The following TMEM50B variants were observed in gnomAD, a reference collection of about 807,000 sequenced individuals.
The protein encoded by TMEM50B is HCV p7-trans-regulated protein 3.
Under a neutral mutation model 23.4 loss-of-function variants are expected in TMEM50B, and 14 were observed. The observed-to-expected ratio is 0.60, with a 90% CI of 0.39 to 0.93. TMEM50B has a LOEUF of 0.93. Among genes scored for constraint, TMEM50B ranks in the 40% least tolerant of loss-of-function variants. The pLI, the probability that TMEM50B is intolerant of heterozygous loss-of-function variation, is 0.00. For missense variants in TMEM50B, 159 were observed against 193.0 expected (o/e 0.82, Z 1.04); for synonymous variants, 64 against 62.3 (o/e 1.03, Z -0.13).
chr21:33,465,377 C>A lies in TMEM50B; in HGVS notation c.245G>T (p.Gly82Val). 11 of 1,613,212 alleles carry A rather than the reference C, an allele frequency of 6.8e-6. No individual in the cohort carries two copies. Among genetic ancestry groups the A allele is most frequent in the East Asian group, 2.2e-5 (1 of 44,820 alleles). The change falls in exon 4 of 7, where the codon GGT becomes GTT. Residue 82 changes from glycine to valine, a missense_variant. By Grantham distance (109) the Gly-to-Val change is moderately radical (BLOSUM62 -3). Transcript: ENST00000542230. ...INAVSNAQVR[G>V]DSYESGCLGR... ...TAAACAGCCGCTTTCATAGCTATCA[C>A]CTCTCACCTGAGCATTGGATACAGC...
chr21:33,478,693 A>T lies in TMEM50B; in HGVS notation c.-42+1145T>A, dbSNP rs760712889. On this transcript the variant is annotated intron_variant, in intron 1 of 6. Transcript: ENST00000542230. ...AACCTGCTTTTCCAGCGCGATAAAT[A>T]TTCAAGATAACTTTTGGTTTGCATT... 2.8e-5 allele frequency: 13 copies of T among 456,470 alleles called. No homozygotes were observed. In the Admixed American group the frequency reaches 3.3e-4, roughly 11 times the overall value. 28.3% of individuals were successfully genotyped at this position (456,470 alleles called of 1,614,324 possible). A position where few individuals can be genotyped will look rare whatever the true frequency, so the allele number is the denominator to read the frequency against.
downstream of TMEM50B, among the ~76,000 whole-genome samples, chr21:33,444,327 C>T (rs767716033): frequency 1.3e-5 from 2 of 152,164 alleles, no homozygotes; most frequent in East Asian, 1.9e-4. Context: ...GTGAGCAGAC[C>T]GCTTGAGCTC....
intron 6 of TMEM50B, among the ~76,000 whole-genome samples, chr21:33,454,527 C>T (rs1055625136): frequency 6.6e-6 from 1 of 152,140 alleles, no homozygotes; most frequent in Non-Finnish European, 1.5e-5. Context: ...TCTCGAACCC[C>T]TGACCTCAGA....
At chr21:33,467,804 G>T (rs2084277814) in intron 2 of TMEM50B, among the ~76,000 whole-genome samples, 1 of 151,970 alleles carries the variant, frequency 6.6e-6, no homozygotes, top group South Asian at 2.1e-4. Flanking sequence ...ATTTCATTTT[G>T]TTTTTCTATT....
intron 7 of TMEM50B, among the ~76,000 whole-genome samples, chr21:33,443,797 A>C (rs1005011303): frequency 1.3e-5 from 2 of 152,258 alleles, no homozygotes; most frequent in Non-Finnish European, 2.9e-5. Context: ...TCACATCTGC[A>C]GCATGCTGCC....
At chr21:33,477,354 T>C (rs2084383105) in intron 1 of TMEM50B, among the ~76,000 whole-genome samples, 2 of 152,110 alleles carry the variant, frequency 1.3e-5, no homozygotes, top group African/African-American at 4.8e-5. Flanking sequence ...AAATGTGTCC[T>C]TATATTATCA....
At chr21:33,456,226 T>C (rs1292362312) in intron 5 of TMEM50B, 5 of 406,346 alleles carry the variant, frequency 1.2e-5, no homozygotes, top group African/African-American at 2.1e-5. Flanking sequence ...CCTCACTATA[T>C]TGCCCAGACT....
chr21:33,457,742 A>G (rs965222242), intron 5 of TMEM50B, among the ~76,000 whole-genome samples: 1 of 151,904 alleles, frequency 6.6e-6, no homozygotes, highest in Admixed American at 6.6e-5. Flanking sequence ...ATTTATCCCT[A>G]TTTTCACTAT....
intron 1 of TMEM50B, among the ~76,000 whole-genome samples, chr21:33,473,457 G>GAA (rs35814774): frequency 4.5e-4 from 38 of 84,822 alleles, no homozygotes; most frequent in East Asian, 2.4e-3. Flanking sequence ...TGTCTCGGAA[G>GAA]AAAAAAAAAA....
At chr21:33,444,544 CAA>C (rs56242611), downstream of TMEM50B, among the ~76,000 whole-genome samples, 2 of 137,606 alleles carry the variant, frequency 1.5e-5, no homozygotes, top group African/African-American at 2.7e-5. Flanking sequence ...GACCCTGTCT[CAA>C]AAAAAAAAAA....
In TMEM50B at chr21:33,468,780, C is replaced by T. The variant is rs1401823203; in HGVS notation, c.99+7G>A. On this transcript the variant is annotated splice_region_variant and intron_variant, in intron 2 of 6. Transcript: ENST00000542230. ...ATACATGTCACCAACCAGTCTTTCT[C>T]ACTTACCAATATACCTGCGACAACA... is the stretch of plus-strand genomic sequence containing the variant. 1.3e-5 allele frequency: 21 copies of T among 1,611,610 alleles called. No individual in the cohort carries two copies. Among genetic ancestry groups the T allele is most frequent in the Non-Finnish European group, 1.7e-5 (20 of 1,178,464 alleles).
chr21:33,443,419 C>CTAAACA (rs745936109), intron 7 of TMEM50B, among the ~76,000 whole-genome samples: 19,974 of 151,882 alleles, frequency 0.13, 1,376 homozygotes, highest in Admixed American at 0.18. Context: ...GGCTGTGCAC[C>CTAAACA]GCACAACCCC....
intron 8 of TMEM50B, among the ~76,000 whole-genome samples, chr21:33,435,116 C>CT (rs2083932282): frequency 6.6e-6 from 1 of 152,208 alleles, no homozygotes; most frequent in African/African-American, 2.4e-5. Context: ...TTTCCAAGAG[C>CT]TAGACACTAG....
At chr21:33,440,578 G>A (rs1379855050) in intron 7 of TMEM50B, among the ~76,000 whole-genome samples, 1 of 150,902 alleles carries the variant, frequency 6.6e-6, no homozygotes, top group Non-Finnish European at 1.5e-5. Context: ...GCGAGACTCT[G>A]TCTCAAAAAT....
At chr21:33,447,726 A>G (rs2084077727), downstream of TMEM50B, among the ~76,000 whole-genome samples, 1 of 147,866 alleles carries the variant, frequency 6.8e-6, no homozygotes, top group Non-Finnish European at 1.5e-5. Context: ...ACACATATAT[A>G]TATATACTGG....
intron 3 of TMEM50B, among the ~76,000 whole-genome samples, chr21:33,466,565 G>A (rs559151173): frequency 6.6e-6 from 1 of 152,132 alleles, no homozygotes; most frequent in East Asian, 1.9e-4. Context: ...CTAAAAAAAT[G>A]CAGAAACGTA....
At chr21:33,432,942 A>C in intron 8 of TMEM50B, 2 of 1,298,412 alleles carry the variant, frequency 1.5e-6, no homozygotes, top group South Asian at 2.5e-5. Flanking sequence ...CGGGAGTGTC[A>C]TGGTACAATC....
chr21:33,467,125 T>G lies in TMEM50B; in HGVS notation c.100-3A>C. 1 of 1,612,412 alleles carries G rather than the reference T, an allele frequency of 6.2e-7. No homozygotes were observed. Among genetic ancestry groups the G allele is most frequent in the Non-Finnish European group, 8.5e-7 (1 of 1,178,588 alleles). The stretch of plus-strand genomic sequence containing the variant: ...ATTATCCACCAGCCTGTAAAAAACT[T>G]AAAACACAGCCCAAGTCACTGAAAC... On this transcript the variant is annotated splice_polypyrimidine_tract_variant and splice_region_variant and intron_variant, in intron 2 of 6. Coordinates refer to ENST00000542230, the MANE Select transcript of TMEM50B (RefSeq NM_006134.7).
At chr21:33,476,129 C>G (rs2084367811) in intron 1 of TMEM50B, among the ~76,000 whole-genome samples, 1 of 152,152 alleles carries the variant, frequency 6.6e-6, no homozygotes, top group Non-Finnish European at 1.5e-5. Flanking sequence ...CACAGTGGCT[C>G]ATGCCTGTAA....
Sources: allele counts gnomAD v4.1 joint callset (sites outside exome capture counted in the v4.1 genomes callset), GRCh38; gene constraint gnomAD v4.1.1; transcripts MANE v1.5; gene names NCBI Gene and HGNC (gene_info 2026-07-23, HGNC 2026-07-21).